Variants in SLC2A9 observed in about 807,000 individuals in gnomAD.
SLC2A9 encodes the protein solute carrier family 2, facilitated glucose transporter member 9.
A neutral mutation model predicts 50.6 loss-of-function variants in SLC2A9; 39 were observed. That is an observed-to-expected ratio of 0.77 (90% CI 0.60 to 1.01). The LOEUF (loss-of-function observed/expected upper bound fraction) is 1.01, where lower values mean the gene tolerates loss of function less well. SLC2A9 is among the 50% of genes least tolerant of loss of function. The probability of loss-of-function intolerance (pLI) is 0.00; values close to 1 mark genes in which losing one functional copy is unlikely to be tolerated. For synonymous variants in SLC2A9, 324 were observed against 276.9 expected (o/e 1.17, Z -1.69); for missense variants, 686 against 677.6 (o/e 1.01, Z -0.14).
At chr4:9,777,907 G>C (rs892864862), downstream of SLC2A9, among the ~76,000 whole-genome samples, 1 of 152,166 alleles carries the variant, frequency 6.6e-6, no homozygotes, top group African/African-American at 2.4e-5. Flanking sequence ...GGATGGAGAG[G>C]TTCAAACATT....
At chr4:9,867,516 AGAT>A (rs1732684669) in intron 10 of SLC2A9, among the ~76,000 whole-genome samples, 1 of 152,234 alleles carries the variant, frequency 6.6e-6, no homozygotes, top group Non-Finnish European at 1.5e-5. Flanking sequence ...ATGATGAAGA[AGAT>A]GATGATGATT....
chr4:9,912,504 C>T (rs763365201), intron 7 of SLC2A9, among the ~76,000 whole-genome samples: 3 of 152,258 alleles, frequency 2.0e-5, no homozygotes, highest in South Asian at 2.1e-4. Context: ...TCTTAACTCA[C>T]GTCATAGTGT....
At chr4:9,836,872 G>T (rs1727196707) in intron 10 of SLC2A9, among the ~76,000 whole-genome samples, 1 of 152,160 alleles carries the variant, frequency 6.6e-6, no homozygotes, top group South Asian at 2.1e-4. Context: ...TCTGAATTTG[G>T]AGACAATTGC....
chr4:9,840,079 T>A (rs1000741670), intron 10 of SLC2A9, among the ~76,000 whole-genome samples: 4 of 152,178 alleles, frequency 2.6e-5, no homozygotes, highest in African/African-American at 9.7e-5. Flanking sequence ...CAAAGAAACT[T>A]AGGCTTGTGG....
chr4:9,901,820 T>C (rs1739689418), intron 8 of SLC2A9, among the ~76,000 whole-genome samples: 1 of 152,170 alleles, frequency 6.6e-6, no homozygotes, highest in Admixed American at 6.5e-5. Flanking sequence ...CTCCCTGCCC[T>C]CTGACCTCTA....
rs904106519 is a variant in SLC2A9 at position 9,978,088 on chromosome 4, T to A, written c.681+2504A>T. Among the ~76,000 whole-genome samples the A allele has an allele frequency of 1.8e-4, 27 of 152,204 alleles. 1 individual carries two copies. Among genetic ancestry groups the A allele is most frequent in the African/African-American group, 6.5e-4 (27 of 41,452 alleles). On this transcript the variant is annotated intron_variant, in intron 5 of 11. Transcript: ENST00000264784. ...ACAGTCACTATTTGCCAGCGATGTT[T>A]TCCCAGAGGAAGTCAAGCTTGAGTG...
chr4:9,893,221 C>T (rs971373667), intron 8 of SLC2A9, among the ~76,000 whole-genome samples: 1 of 152,148 alleles, frequency 6.6e-6, no homozygotes, highest in African/African-American at 2.4e-5. Context: ...TCTGCCCCCC[C>T]ACCCCCTCCC....
At chr4:9,956,758 G>GA (rs199803561) in intron 5 of SLC2A9, among the ~76,000 whole-genome samples, 6 of 112,926 alleles carry the variant, frequency 5.3e-5, no homozygotes, top group African/African-American at 2.7e-4. Context: ...ATTGGGTACC[G>GA]AAAAATTTTT....
chr4:9,910,702 G>C (rs1311061889), intron 7 of SLC2A9, among the ~76,000 whole-genome samples: 1 of 152,094 alleles, frequency 6.6e-6, no homozygotes, highest in East Asian at 1.9e-4. Flanking sequence ...CCTCCTTCTG[G>C]CTCCTCTCAC....
At chr4:9,959,735 G>T (rs1341549284) in intron 5 of SLC2A9, among the ~76,000 whole-genome samples, 1 of 152,122 alleles carries the variant, frequency 6.6e-6, no homozygotes, top group African/African-American at 2.4e-5. Context: ...TTCCTTTGGG[G>T]TTCCCTTTGT....
intron 10 of SLC2A9, among the ~76,000 whole-genome samples, chr4:9,840,544 G>C (rs905033242): frequency 6.6e-6 from 1 of 151,994 alleles, no homozygotes; most frequent in African/African-American, 2.4e-5. Context: ...GTATAAAAAG[G>C]AAACAAAAAT....
chr4:10,035,133 C>A (rs1327144188), intron 1 of SLC2A9: 3 of 152,252 alleles, frequency 2.0e-5, no homozygotes, highest in Admixed American at 6.5e-5. Context: ...GCACTGCCAC[C>A]CCGCAGGTTT....
At chr4:9,859,659 G>C (rs1475400924) in intron 10 of SLC2A9, among the ~76,000 whole-genome samples, 1 of 152,232 alleles carries the variant, frequency 6.6e-6, no homozygotes, top group Non-Finnish European at 1.5e-5. Context: ...GACCTCATCA[G>C]CCTTTGCTAC....
chr4:10,002,520 A>C (rs945470306), intron 2 of SLC2A9, among the ~76,000 whole-genome samples: 1 of 152,220 alleles, frequency 6.6e-6, no homozygotes, highest in Non-Finnish European at 1.5e-5. Context: ...AAGATGTGAA[A>C]GTTAAGCAGA....
chr4:9,910,934 T>C (rs1271008848), intron 7 of SLC2A9, among the ~76,000 whole-genome samples: 1 of 147,110 alleles, frequency 6.8e-6, no homozygotes, highest in Non-Finnish European at 1.5e-5. Flanking sequence ...CACTCATAAG[T>C]GGAAGTTGAA....
chr4:9,946,012 C>T (rs1434185266), intron 5 of SLC2A9, among the ~76,000 whole-genome samples: 2 of 152,168 alleles, frequency 1.3e-5, no homozygotes, highest in Non-Finnish European at 2.9e-5. Flanking sequence ...GCATATTACT[C>T]GCCTGACACA....
At chr4:9,815,116 C>T (rs1222940340) in intron 3 of SLC2A9, among the ~76,000 whole-genome samples, 1 of 152,136 alleles carries the variant, frequency 6.6e-6, no homozygotes, top group Non-Finnish European at 1.5e-5. Flanking sequence ...CAGCATCATA[C>T]ACAATAGTGT....
downstream of SLC2A9, among the ~76,000 whole-genome samples, chr4:9,777,541 A>G (rs1450095720): frequency 1.1e-4 from 5 of 44,090 alleles, no homozygotes; most frequent in Non-Finnish European, 2.1e-4. Flanking sequence ...AACATCTGAA[A>G]ACAAATGTCA....
Position 9,970,567 on chromosome 4 carries a change from T to C in SLC2A9, c.681+10025A>G, listed in dbSNP as rs1753737430. ...TTTTGAGTTCTCAGTGCAAGGTTCC[T>C]GGAACCCAGCTAGCTGGGTTAAACA... On this transcript the variant is annotated intron_variant, in intron 5 of 11. Transcript: ENST00000264784. Among the ~76,000 whole-genome samples, 4 of 152,110 alleles carry C rather than the reference T, an allele frequency of 2.6e-5. No homozygotes were observed. The South Asian group carries it at 8.3e-4, about 32-fold the overall frequency.
Sources: allele counts gnomAD v4.1 joint callset (sites outside exome capture counted in the v4.1 genomes callset), GRCh38; gene constraint gnomAD v4.1.1; transcripts MANE v1.5; gene names NCBI Gene and HGNC (gene_info 2026-07-23, HGNC 2026-07-21).